SYCP1: variants seen among roughly 807,000 people sequenced by gnomAD.
SYCP1 encodes cancer/testis antigen 8.
SYCP1 carries 64 observed loss-of-function variants against 153.1 expected under a neutral mutation model. That is an observed-to-expected ratio of 0.42 (90% CI 0.34 to 0.51). The LOEUF is 0.51. Ranked by LOEUF, SYCP1 falls within the 20% of genes least tolerant of loss-of-function variation. The pLI is 0.06. For missense variants in SYCP1, 997 were observed against 1,049.0 expected (o/e 0.95, Z 0.68); for synonymous variants, 384 against 341.8 (o/e 1.12, Z -1.36).
At chr1:114,890,633 T>C (rs1464030509) in intron 15 of SYCP1, among the ~76,000 whole-genome samples, 1 of 152,132 alleles carries the variant, frequency 6.6e-6, no homozygotes, top group Non-Finnish European at 1.5e-5. Context: ...TGAAGGAGTG[T>C]ACAAAACATC....
At chr1:114,887,730 A>G (rs1176938423) in intron 15 of SYCP1, 37 bp downstream of exon 15, 1 of 1,269,946 alleles carries the variant, frequency 7.9e-7, no homozygotes, top group East Asian at 2.6e-5. Context: ...CTTTAATAAT[A>G]TTAACTTATT....
intron 30 of SYCP1, 140 bp downstream of exon 30, chr1:114,985,008 A>C (rs951975338): frequency 1.5e-5 from 6 of 387,534 alleles, no homozygotes; most frequent in Non-Finnish European, 2.5e-5. Context: ...GCTAAAATGC[A>C]GATCCTTGTG....
intron 15 of SYCP1, among the ~76,000 whole-genome samples, chr1:114,889,177 T>A (rs945059084): frequency 6.6e-6 from 1 of 152,234 alleles, no homozygotes; most frequent in African/African-American, 2.4e-5. Flanking sequence ...TGTGTGCATG[T>A]GTCTTTATAG....
chr1:114,889,839 T>G (rs1219294460), intron 15 of SYCP1, among the ~76,000 whole-genome samples: 3 of 152,212 alleles, frequency 2.0e-5, no homozygotes, highest in African/African-American at 7.2e-5. Context: ...GTTTTAGGTC[T>G]TACATTTAAG....
intron 12 of SYCP1, among the ~76,000 whole-genome samples, chr1:114,882,533 A>G (rs1005051678): frequency 4.0e-5 from 6 of 151,852 alleles, no homozygotes; most frequent in African/African-American, 1.5e-4. Context: ...AAATATACAA[A>G]CCATAGCTGT....
At chr1:114,950,942 A>G (rs558912721) in intron 27 of SYCP1, among the ~76,000 whole-genome samples, 95 of 151,584 alleles carry the variant, frequency 6.3e-4, no homozygotes, top group African/African-American at 2.3e-3. Context: ...CTCCTGCCTC[A>G]GCCTCCCTAG....
At chr1:114,926,015 T>C (rs192230926) in intron 21 of SYCP1, among the ~76,000 whole-genome samples, 1 of 152,116 alleles carries the variant, frequency 6.6e-6, no homozygotes, top group Non-Finnish European at 1.5e-5. Context: ...GGCTCACACC[T>C]GTAATCCCAG....
intron 28 of SYCP1, 152 bp from the exon 29 acceptor site, chr1:114,981,184 A>T (rs1673128442): frequency 7.0e-6 from 4 of 568,420 alleles, no homozygotes; most frequent in Middle Eastern, 9.2e-4. Context: ...GATAACTGTA[A>T]CTTATTCAAA....
intron 28 of SYCP1, among the ~76,000 whole-genome samples, chr1:114,980,030 C>T (rs1673050835): frequency 6.6e-6 from 1 of 151,582 alleles, no homozygotes; most frequent in African/African-American, 2.4e-5. Context: ...CTAGAGAATT[C>T]AGAGAAAGGA....
In SYCP1 at chr1:114,923,490, G is replaced by A; in HGVS notation, c.1760G>A (p.Arg587Lys). 1 of 1,592,398 alleles carries A rather than the reference G, an allele frequency of 6.3e-7. No individual in the cohort carries two copies. The highest frequency in any genetic ancestry group is 1.1e-5 in the South Asian group (1 of 88,846). ...GTGAGAGAAGAGCTAAAACAGAAAA[G>A]AGATGAAGTTAAATGTAAATTGGAC... ...EYVREELKQK[R>K]DEVKCKLDKS... Residue 587 changes from arginine to lysine, a missense_variant, in exon 21 of 32, where the codon AGA (arginine) becomes AAA (lysine). Physicochemically the swap from Arg to Lys is conservative, Grantham distance 26. Coordinates refer to ENST00000369522, the MANE Select transcript of SYCP1 (RefSeq NM_003176.4).
intron 23 of SYCP1, among the ~76,000 whole-genome samples, chr1:114,937,838 C>A (rs1365373311): frequency 6.6e-6 from 1 of 152,140 alleles, no homozygotes; most frequent in Non-Finnish European, 1.5e-5. Context: ...AAATCAAAAC[C>A]ACAATGAGAT....
intron 1 of SYCP1, 41 bp from the exon 2 acceptor site, chr1:114,855,398 GAA>G (rs200368422): frequency 2.4e-6 from 3 of 1,233,048 alleles, no homozygotes; most frequent in Non-Finnish European, 3.4e-6. Context: ...GACACTCGGT[GAA>G]AAAAAACTTT....
At chr1:114,983,109 A>C (rs1240472569) in intron 29 of SYCP1, among the ~76,000 whole-genome samples, 1 of 151,980 alleles carries the variant, frequency 6.6e-6, no homozygotes, top group African/African-American at 2.4e-5. Context: ...CAGGTAGTTG[A>C]CAACTCTGCC....
chr1:114,969,344 G>C (rs1319544226), intron 27 of SYCP1, among the ~76,000 whole-genome samples: 1 of 152,156 alleles, frequency 6.6e-6, no homozygotes, highest in Non-Finnish European at 1.5e-5. Flanking sequence ...TGCCCAGAGA[G>C]GAGGAAACTA....
rs969974954 is a variant in SYCP1 at position 114,994,883 on chromosome 1, C to T, written c.2795C>T (p.Ala932Val). 6.8e-7 allele frequency: 1 copy of T among 1,461,874 alleles called. No individual in the cohort carries two copies. Among genetic ancestry groups the T allele is most frequent in the Middle Eastern group, 1.8e-4 (1 of 5,508 alleles). The allele number at this position is 1,461,874 out of a possible 1,614,324, so 90.6% of individuals were successfully genotyped here. A position where few individuals can be genotyped will look rare whatever the true frequency, so the allele number is the denominator to read the frequency against. ...TTTTAAATTTTATTTTGTACTCAGG[C>T]CCCTTCATCTCTAACAACCCCTGGA... ...SHLCVKTPKK[A>V]PSSLTTPGST... The change falls in exon 32 of 32, where the codon GCC (alanine) becomes GTC (valine). Residue 932 changes from alanine to valine, a missense_variant and splice_region_variant. Transcript: ENST00000369522.
At chr1:114,986,538 T>G (rs1673516118) in intron 30 of SYCP1, among the ~76,000 whole-genome samples, 1 of 152,030 alleles carries the variant, frequency 6.6e-6, no homozygotes, top group Non-Finnish European at 1.5e-5. Flanking sequence ...ATTATAGAAT[T>G]GCACACAATT....
chr1:114,890,774 A>G (rs1666655627), intron 15 of SYCP1, among the ~76,000 whole-genome samples: 1 of 152,180 alleles, frequency 6.6e-6, no homozygotes. Flanking sequence ...TTTACTGCTA[A>G]TTGGTTATCT....
At chr1:114,883,922 A>G (rs1191947240) in intron 12 of SYCP1, among the ~76,000 whole-genome samples, 2 of 152,014 alleles carry the variant, frequency 1.3e-5, no homozygotes, top group African/African-American at 2.4e-5. Context: ...CGAACTCCTG[A>G]CCTCATGATC....
At chr1:114,925,582 AT>A (rs1440151099) in intron 21 of SYCP1, among the ~76,000 whole-genome samples, 1 of 152,088 alleles carries the variant, frequency 6.6e-6, no homozygotes, top group African/African-American at 2.4e-5. Context: ...TAGTTCAGAC[AT>A]TTTTTATTTT....
Sources: allele counts gnomAD v4.1 joint callset (sites outside exome capture counted in the v4.1 genomes callset), GRCh38; gene constraint gnomAD v4.1.1; transcripts MANE v1.5; gene names NCBI Gene and HGNC (gene_info 2026-07-23, HGNC 2026-07-21).